The following MPP3 variants were observed in gnomAD, a reference collection of about 807,000 sequenced individuals.
MPP3 encodes MAGUK p55 scaffold protein 3, also known as MAGUK p55 subfamily member 3.
A neutral mutation model predicts 80.7 loss-of-function variants in MPP3; 48 were observed. The observed-to-expected ratio is 0.59, with a 90% CI of 0.47 to 0.76. The LOEUF (loss-of-function observed/expected upper bound fraction) is 0.76, where lower values mean the gene tolerates loss of function less well. Among genes scored for constraint, MPP3 ranks in the 30% least tolerant of loss-of-function variants. The pLI, the probability that MPP3 is intolerant of heterozygous loss-of-function variation, is 0.00. For missense variants in MPP3, 620 were observed against 763.0 expected, an observed-to-expected ratio of 0.81 and a Z score of 2.21; for synonymous variants, 311 against 297.6, an observed-to-expected ratio of 1.04 and a Z score of -0.46.
intron 16 of MPP3, chr17:43,811,462 C>T: frequency 2.1e-6 from 1 of 482,976 alleles, no homozygotes; most frequent in East Asian, 3.9e-5. Flanking sequence ...CGGAGAGGTT[C>T]AGCACTGTGC....
At position 43,829,709 on chromosome 17, in the gene MPP3, TCCTCATCGATATTGTCAGG is replaced by T; in HGVS notation, c.367_385del (p.Pro123IlefsTer7). The T allele has an allele frequency of 6.2e-7, 1 of 1,614,002 alleles. No homozygotes were observed. The highest frequency in any genetic ancestry group is 8.5e-7 in the Non-Finnish European group (1 of 1,180,004). On this transcript the variant is annotated frameshift_variant, in exon 7 of 20. Transcript: ENST00000398389. LOFTEE classifies it high-confidence loss of function. ...GATCTTCACCGATTCCTCATCAAAA[TCCTCATCGATATTGTCAGG>T]CAGAGGCGGGAGAACGGGGTCAAAA...
chr17:43,825,214 C>T (rs1165813983), intron 9 of MPP3: 1 of 152,516 alleles, frequency 6.6e-6, no homozygotes, highest in East Asian at 1.9e-4. Context: ...TGGGGCTTTT[C>T]ACAATTTCAG....
intron 8 of MPP3, among the ~76,000 whole-genome samples, chr17:43,827,335 T>C (rs1029207198): frequency 2.0e-5 from 3 of 147,528 alleles, no homozygotes; most frequent in Admixed American, 6.7e-5. Context: ...TTTTCTTTTT[T>C]TTTTTTTTTT....
At chr17:43,811,813 G>A (rs557319825) in intron 16 of MPP3, among the ~76,000 whole-genome samples, 4 of 151,906 alleles carry the variant, frequency 2.6e-5, no homozygotes, top group East Asian at 3.9e-4. Context: ...GGCTGGTCTC[G>A]AACTCCCGAC....
In MPP3 at chr17:43,820,796, G is replaced by T. The variant is rs1452151727; in HGVS notation, c.881+66C>A. The T allele has an allele frequency of 6.8e-6, 10 of 1,463,016 alleles. No individual in the cohort carries two copies. In the Admixed American group the frequency reaches 1.2e-4, roughly 18 times the overall value. 90.6% of individuals were successfully genotyped at this position (1,463,016 alleles called of 1,614,324 possible). On this transcript the variant is annotated intron_variant, in intron 11 of 19. Coordinates refer to ENST00000398389, the MANE Select transcript of MPP3 (RefSeq NM_001932.6). ...CTGGCTGTGAGGGCAGAGACTTGGG[G>T]GTCTGCCATGTACCTGTGCCTCTGC...
At chr17:43,830,467 T>C (rs2045912136) in intron 5 of MPP3, among the ~76,000 whole-genome samples, 1 of 152,238 alleles carries the variant, frequency 6.6e-6, no homozygotes, top group Non-Finnish European at 1.5e-5. Flanking sequence ...AGAGCTCATA[T>C]ACAGCACAGC....
In MPP3 at chr17:43,827,751, C is replaced by A. The variant is rs752817272; in HGVS notation, c.523G>T (p.Gly175Cys). The change falls in exon 8 of 20, where the codon GGC (glycine) becomes TGC (cysteine). Residue 175 changes from glycine to cysteine, a missense_variant and splice_region_variant. Physicochemically the swap from Gly to Cys is radical, Grantham distance 159. Coordinates refer to ENST00000398389, the MANE Select transcript of MPP3 (RefSeq NM_001932.6). ...IMRGGAADRS[G>C]LVHVGDELRE... ...CCAGCTTTGCACTGCCGCCACTCAC[C>A]GCTCCTGTCTGCTGCGCCTCCTCGC... The A allele has an allele frequency of 6.2e-7, 1 of 1,610,814 alleles. No homozygotes were observed. Among genetic ancestry groups the A allele is most frequent in the South Asian group, 1.1e-5 (1 of 91,078 alleles).
chr17:43,827,926 CCTCT>C (rs1440494370), intron 7 of MPP3, 94 bp from the exon 8 acceptor site: 7 of 1,155,856 alleles, frequency 6.1e-6, no homozygotes, highest in Non-Finnish European at 9.0e-6. Context: ...CCAGTCCCTC[CCTCT>C]GACAGTCCAG....
intron 18 of MPP3, among the ~76,000 whole-genome samples, chr17:43,809,384 T>C (rs968038610): frequency 6.6e-6 from 1 of 152,214 alleles, no homozygotes; most frequent in African/African-American, 2.4e-5. Flanking sequence ...ATAATTAACC[T>C]TCTCAGGCTC....
chr17:43,803,371 G>A (rs1289687872), intron 19 of MPP3, among the ~76,000 whole-genome samples: 1 of 152,180 alleles, frequency 6.6e-6, no homozygotes, highest in African/African-American at 2.4e-5. Flanking sequence ...GTAAAAACGT[G>A]TGACATTTGC....
At chr17:43,809,484 A>G (rs1040407671) in intron 18 of MPP3, among the ~76,000 whole-genome samples, 2 of 152,218 alleles carry the variant, frequency 1.3e-5, no homozygotes, top group South Asian at 2.1e-4. Context: ...ACATTATTAC[A>G]AACTTTGTGC....
In MPP3 at chr17:43,821,012, GCCCGGTCCTC is replaced by G. The variant is rs1307106822; in HGVS notation, c.721_730del (p.Glu241ProfsTer20). 1 of 1,614,074 alleles carries G rather than the reference GCCCGGTCCTC, an allele frequency of 6.2e-7. No individual in the cohort carries two copies. The highest frequency in any genetic ancestry group is 1.7e-5 in the Admixed American group (1 of 60,016). ...CAGGCCCGCCTCCTGGCAAGGGATG[GCCCGGTCCTC>G]CCGAGGGTTGTAGTGGAAGAGGGCG... On this transcript the variant is annotated frameshift_variant, in exon 11 of 20. Coordinates refer to ENST00000398389, the MANE Select transcript of MPP3 (RefSeq NM_001932.6). LOFTEE classifies it high-confidence loss of function.
intron 16 of MPP3, chr17:43,811,662 C>G (rs148569666): frequency 3.9e-5 from 6 of 153,822 alleles, no homozygotes; most frequent in African/African-American, 1.5e-4. Flanking sequence ...GGCATGATTT[C>G]GGCTCACTGC....
rs1445992985 is a variant in MPP3 at position 43,832,382 on chromosome 17, C to T, written c.-38+379G>A. 4.1e-5 allele frequency: 8 copies of T among 194,694 alleles called. No individual in the cohort carries two copies. The South Asian group carries it at 6.9e-4, about 17-fold the overall frequency. The allele number at this position is 194,694 out of a possible 1,614,324, so 12.1% of individuals were successfully genotyped here. On this transcript the variant is annotated intron_variant, in intron 2 of 19. Coordinates refer to ENST00000398389, the MANE Select transcript of MPP3 (RefSeq NM_001932.6). ...CACTGCAACCTTCTAAGAGCCCTGG[C>T]TCAAGTCTCCTGCTGGGACACACCT... is the stretch of plus-strand genomic sequence containing the variant.
intron 16 of MPP3, 59 bp from the exon 17 acceptor site, chr17:43,811,264 A>G: frequency 2.2e-6 from 3 of 1,365,306 alleles, no homozygotes; most frequent in South Asian, 2.3e-5. Context: ...ACGCAGGGAC[A>G]GCAGCAGGCT....
At chr17:43,801,941 T>C in intron 19 of MPP3, 64 bp from the exon 20 acceptor site, 6 of 1,527,594 alleles carry the variant, frequency 3.9e-6, no homozygotes, top group Non-Finnish European at 5.3e-6. Context: ...CCTATAACCT[T>C]TGTCTTGAGC....
chr17:43,814,525 T>C (rs1268286973), intron 14 of MPP3, 164 bp from the exon 15 acceptor site: 5 of 617,098 alleles, frequency 8.1e-6, no homozygotes, highest in African/African-American at 1.9e-5. Context: ...GGAAATACAA[T>C]AATAAGATGA....
At chr17:43,829,206 C>T (rs1222445333) in intron 7 of MPP3, among the ~76,000 whole-genome samples, 1 of 152,194 alleles carries the variant, frequency 6.6e-6, no homozygotes, top group African/African-American at 2.4e-5. Context: ...TAAGGGGCCA[C>T]ATGTAAATAT....
Position 43,809,087 on chromosome 17 carries a change from GA to G in MPP3, c.1459-10del. On this transcript the variant is annotated splice_polypyrimidine_tract_variant and intron_variant, in intron 18 of 19. Coordinates refer to ENST00000398389, the MANE Select transcript of MPP3 (RefSeq NM_001932.6). ...CTCAGTTGTTTCAGTGCCTGAGAAA[GA>G]AAGTTCAGGAATATTATATACTTTT... The G allele has an allele frequency of 6.3e-7, 1 of 1,577,616 alleles. No homozygotes were observed. Among genetic ancestry groups the G allele is most frequent in the South Asian group, 1.2e-5 (1 of 84,566 alleles).
Sources: allele counts gnomAD v4.1 joint callset (sites outside exome capture counted in the v4.1 genomes callset), GRCh38; gene constraint gnomAD v4.1.1; transcripts MANE v1.5; gene names NCBI Gene and HGNC (gene_info 2026-07-23, HGNC 2026-07-21).